The following UBE2G1 variants were observed in gnomAD, a reference collection of about 807,000 sequenced individuals.
UBE2G1 encodes the protein ubiquitin-conjugating enzyme E2 G1.
In UBE2G1, 5 loss-of-function variants were observed where a neutral mutation model predicts 22.7. The ratio of observed to expected loss-of-function variants is 0.22; its 90% CI spans 0.12 to 0.46. The LOEUF (loss-of-function observed/expected upper bound fraction) is 0.46. Ranked by LOEUF, UBE2G1 falls within the 20% of genes least tolerant of loss-of-function variation. The probability of loss-of-function intolerance (pLI) is 0.99; values close to 1 mark genes in which losing one functional copy is unlikely to be tolerated. For missense variants in UBE2G1, 88 were observed against 203.9 expected, an observed-to-expected ratio of 0.43 and a Z score of 3.46; for synonymous variants, 74 against 67.5, an observed-to-expected ratio of 1.10 and a Z score of -0.47.
chr17:4,349,351 G>A (rs899408921), intron 1 of UBE2G1, among the ~76,000 whole-genome samples: 2 of 152,096 alleles, frequency 1.3e-5, no homozygotes, highest in African/African-American at 4.8e-5. Context: ...GGATGGTTTA[G>A]AGATGGAAAA....
At chr17:4,304,188 AG>A (rs750927101) in intron 2 of UBE2G1, among the ~76,000 whole-genome samples, 3 of 151,994 alleles carry the variant, frequency 2.0e-5, no homozygotes, top group Non-Finnish European at 4.4e-5. Flanking sequence ...TTGTAGAGAC[AG>A]GGTTTTGCCA....
chr17:4,355,923 C>A (rs1248618319), intron 1 of UBE2G1, among the ~76,000 whole-genome samples: 1 of 148,426 alleles, frequency 6.7e-6, no homozygotes, highest in Non-Finnish European at 1.5e-5. Flanking sequence ...TGGTCTCAAA[C>A]TCCCAACCTC....
intron 5 of UBE2G1, among the ~76,000 whole-genome samples, chr17:4,279,547 G>C (rs1057470426): frequency 2.7e-4 from 41 of 152,036 alleles, no homozygotes; most frequent in African/African-American, 9.9e-4. Context: ...AAAAGAACAG[G>C]CTCTCTAGCC....
chr17:4,349,062 C>G (rs1220029403), intron 1 of UBE2G1, among the ~76,000 whole-genome samples: 1 of 152,194 alleles, frequency 6.6e-6, no homozygotes, highest in Non-Finnish European at 1.5e-5. Flanking sequence ...GTGGCTCACG[C>G]CTGTAATCTC....
chr17:4,312,813 G>A (rs1323944749), intron 1 of UBE2G1, among the ~76,000 whole-genome samples: 1 of 151,870 alleles, frequency 6.6e-6, no homozygotes, highest in Non-Finnish European at 1.5e-5. Flanking sequence ...GGAAGAAGGG[G>A]TCTATATTCA....
intron 5 of UBE2G1, among the ~76,000 whole-genome samples, chr17:4,277,240 G>A (rs1269836888): frequency 1.3e-5 from 2 of 152,186 alleles, no homozygotes; most frequent in African/African-American, 2.4e-5. Flanking sequence ...CACCCCAGTT[G>A]AGTCAACACC....
chr17:4,354,459 C>A (rs1216564278), intron 1 of UBE2G1, among the ~76,000 whole-genome samples: 1 of 152,114 alleles, frequency 6.6e-6, no homozygotes, highest in Non-Finnish European at 1.5e-5. Context: ...TGCATGTGTG[C>A]TTTTCTCAGG....
intron 3 of UBE2G1, among the ~76,000 whole-genome samples, chr17:4,290,245 A>G (rs989230230): frequency 2.0e-5 from 3 of 152,214 alleles, no homozygotes; most frequent in Admixed American, 6.5e-5. Context: ...AATTTTAGAA[A>G]GGAATTTGAG....
rs71144179 is a variant in UBE2G1, at chr17:4,289,106, T to TACACACACACACAC, written c.426+110_426+123dup. On this transcript the variant is annotated intron_variant, in intron 4 of 5. Coordinates refer to ENST00000396981, the MANE Select transcript of UBE2G1 (RefSeq NM_003342.5). ...CAAAAATAAGAACTATGGGAAGAGATACACACACACACACACACACACACG... is the reference window on the plus strand; with the variant it reads ...CAAAAATAAGAACTATGGGAAGAGATACACACACACACACACACACACACACACACACACACACG... 2.1e-5 allele frequency: 11 copies of TACACACACACACAC among 516,038 alleles called. No homozygotes were observed. In the African/African-American group the frequency reaches 2.2e-4, roughly 10 times the overall value. 32.0% of individuals were successfully genotyped at this position (516,038 alleles called of 1,614,324 possible).
At chr17:4,302,440 G>A (rs1293164032) in intron 2 of UBE2G1, 1 of 503,426 alleles carries the variant, frequency 2.0e-6, no homozygotes, top group Non-Finnish European at 4.1e-6. Context: ...GGCATCTGTA[G>A]TTCCTGAACA....
chr17:4,286,231 C>T (rs1399711266), intron 4 of UBE2G1, among the ~76,000 whole-genome samples: 1 of 151,956 alleles, frequency 6.6e-6, no homozygotes, highest in Admixed American at 6.6e-5. Context: ...ATGGCAAAAC[C>T]CTGTCTCTAC....
intron 1 of UBE2G1, among the ~76,000 whole-genome samples, chr17:4,320,828 G>C (rs1378494275): frequency 6.6e-6 from 1 of 151,956 alleles, no homozygotes; most frequent in African/African-American, 2.4e-5. Context: ...AGCATAGTCT[G>C]AACACTAGAT....
rs543415369 is a variant in UBE2G1 at position 4,281,154 on chromosome 17, A to G, written c.*37+1644T>C. Among the ~76,000 whole-genome samples the G allele has an allele frequency of 3.9e-5, 6 of 152,316 alleles. No individual in the cohort carries two copies. In the East Asian group the frequency reaches 1.2e-3, roughly 29 times the overall value. ...AGAACAAACACCCCTACACCAATTC[A>G]GAAAATAACTGCAATGAGAATAAGG... On this transcript the variant is annotated intron_variant, in intron 5 of 5. Coordinates refer to ENST00000396981, the MANE Select transcript of UBE2G1 (RefSeq NM_003342.5).
At chr17:4,288,730 C>T (rs568717258) in intron 4 of UBE2G1, among the ~76,000 whole-genome samples, 11 of 152,102 alleles carry the variant, frequency 7.2e-5, no homozygotes, top group Non-Finnish European at 5.9e-5. Flanking sequence ...CTAATAACGA[C>T]GTATAGTATT....
At chr17:4,320,013 CGTGT>C (rs558575785) in intron 1 of UBE2G1, among the ~76,000 whole-genome samples, 3 of 150,278 alleles carry the variant, frequency 2.0e-5, no homozygotes, top group Non-Finnish European at 3.0e-5. Flanking sequence ...AAGTGGCACA[CGTGT>C]GTGTGTGTGT....
rs1970035229 is a variant in UBE2G1, at chr17:4,366,347, G to A, written c.-31C>T. The A allele has an allele frequency of 6.6e-7, 1 of 1,524,306 alleles. No individual in the cohort carries two copies. The highest frequency in any genetic ancestry group is 8.7e-7 in the Non-Finnish European group (1 of 1,145,302). 94.4% of individuals were successfully genotyped at this position (1,524,306 alleles called of 1,614,324 possible). A position where few individuals can be genotyped will look rare whatever the true frequency, so the allele number is the denominator to read the frequency against. On this transcript the variant is annotated 5_prime_UTR_variant, in exon 1 of 6. Transcript: ENST00000396981. ...CTGCCGAGGGCCCGGGCTGGCGCCGGGGCTTCCGAAGGGCTGGGGACAGGC... is the reference window on the plus strand; with the variant it reads ...CTGCCGAGGGCCCGGGCTGGCGCCGAGGCTTCCGAAGGGCTGGGGACAGGC...
rs1383069259 is a variant in UBE2G1, at chr17:4,282,723, C to T, written c.*37+75G>A. 5 of 925,460 alleles carry T rather than the reference C, an allele frequency of 5.4e-6. No individual in the cohort carries two copies. In the East Asian group the frequency reaches 1.3e-4, roughly 25 times the overall value. The allele number at this position is 925,460 out of a possible 1,614,324, so 57.3% of individuals were successfully genotyped here. A position where few individuals can be genotyped will look rare whatever the true frequency, so the allele number is the denominator to read the frequency against. On this transcript the variant is annotated intron_variant, in intron 5 of 5. Coordinates refer to ENST00000396981, the MANE Select transcript of UBE2G1 (RefSeq NM_003342.5). ...CAATGAAAAAATGTAATTCAAATAC[C>T]CAAATCACACAATTTCCAAAAACTA... is the stretch of plus-strand genomic sequence containing the variant.
At chr17:4,319,576 A>C (rs1271942780) in intron 1 of UBE2G1, among the ~76,000 whole-genome samples, 1 of 152,176 alleles carries the variant, frequency 6.6e-6, no homozygotes, top group Non-Finnish European at 1.5e-5. Context: ...CTCTACAAAA[A>C]ATACAAAAAT....
At chr17:4,348,862 AAAAAAT>A (rs1053853214) in intron 1 of UBE2G1, among the ~76,000 whole-genome samples, 18 of 151,326 alleles carry the variant, frequency 1.2e-4, no homozygotes, top group Admixed American at 7.3e-4. Flanking sequence ...CTCCGTCTCA[AAAAAAT>A]AAAAATAAAA....
Sources: gnomAD v4.1 joint callset for allele counts (sites outside exome capture counted in the v4.1 genomes callset) on GRCh38, gnomAD v4.1.1 for gene constraint, MANE v1.5 for transcripts, NCBI Gene and HGNC (gene_info 2026-07-23, HGNC 2026-07-21) for gene names.